GRID1: variants seen among roughly 807,000 people sequenced by gnomAD.
The protein encoded by GRID1 is glutamate ionotropic receptor delta type subunit 1.
Under a neutral mutation model 98.0 loss-of-function variants are expected in GRID1, and 28 were observed. That is an observed-to-expected ratio of 0.29 (90% CI 0.21 to 0.39). The LOEUF is 0.39. Ranked by LOEUF, GRID1 falls within the 10% of genes least tolerant of loss-of-function variation. The pLI is 1.00. For synonymous variants in GRID1, 553 were observed against 538.5 expected, an observed-to-expected ratio of 1.03 and a Z score of -0.37; for missense variants, 1,111 against 1,340.5, an observed-to-expected ratio of 0.83 and a Z score of 2.67.
At chr10:86,110,635 G>C (rs985315108) in intron 4 of GRID1, among the ~76,000 whole-genome samples, 4 of 152,082 alleles carry the variant, frequency 2.6e-5, no homozygotes, top group African/African-American at 4.8e-5. Context: ...TTCCATGTCT[G>C]CTCTCAGGCA....
intron 8 of GRID1, among the ~76,000 whole-genome samples, chr10:85,807,099 C>T (rs971313283): frequency 6.6e-6 from 1 of 152,080 alleles, no homozygotes; most frequent in Non-Finnish European, 1.5e-5. Flanking sequence ...TTTGTAATCT[C>T]AGCACTTTGG....
chr10:85,721,328 C>T (rs764012531), intron 12 of GRID1, among the ~76,000 whole-genome samples: 1 of 152,190 alleles, frequency 6.6e-6, no homozygotes, highest in East Asian at 1.9e-4. Context: ...TATGATCCAG[C>T]AATTGCACTC....
chr10:85,601,602 CG>C lies in GRID1; in HGVS notation c.*670del, dbSNP rs1842576848. The C allele has an allele frequency of 1.3e-5, 2 of 152,314 alleles. No individual in the cohort carries two copies. The highest frequency in any genetic ancestry group is 2.9e-5 in the Non-Finnish European group (2 of 68,122). 9.4% of individuals were successfully genotyped at this position (152,314 alleles called of 1,614,324 possible). A position where few individuals can be genotyped will look rare whatever the true frequency, so the allele number is the denominator to read the frequency against. On this transcript the variant is annotated 3_prime_UTR_variant, in exon 16 of 16. Transcript: ENST00000327946. ...ACTATGGGTAATTGTCAGCTTCTCT[CG>C]GGCCCATGGGGCAGAGGCACACTGC... is the stretch of plus-strand genomic sequence containing the variant.
chr10:85,617,690 G>A lies in GRID1; in HGVS notation c.2360+2177C>T, dbSNP rs141839612. ...CTGGTGACATTTCCTTATAATCACA[G>A]AGCACATGCCTTCTGATGAAAGCAA... On this transcript the variant is annotated intron_variant, in intron 14 of 15. Transcript: ENST00000327946. Among the ~76,000 whole-genome samples, 85 of 152,322 alleles carry A rather than the reference G, an allele frequency of 5.6e-4. 2 individuals carry two copies. Among genetic ancestry groups the A allele is most frequent in the African/African-American group, 1.9e-3 (80 of 41,572 alleles).
intron 8 of GRID1, among the ~76,000 whole-genome samples, chr10:85,834,754 T>C (rs190454263): frequency 2.4e-4 from 36 of 152,024 alleles, no homozygotes; most frequent in Non-Finnish European, 1.5e-5. Context: ...GAGCAACCAC[T>C]AAGAAAACTA....
chr10:86,099,473 C>T (rs905450611), intron 4 of GRID1, among the ~76,000 whole-genome samples: 3 of 152,016 alleles, frequency 2.0e-5, no homozygotes, highest in African/African-American at 7.3e-5. Flanking sequence ...TACAAGGCAC[C>T]GAGAAGCCAC....
At chr10:86,061,675 T>C (rs920492120) in intron 4 of GRID1, among the ~76,000 whole-genome samples, 25 of 152,268 alleles carry the variant, frequency 1.6e-4, no homozygotes, top group Admixed American at 5.2e-4. Flanking sequence ...AGACCCAGCC[T>C]GCTTCTGTCC....
At chr10:85,753,071 C>A (rs759123407) in intron 8 of GRID1, among the ~76,000 whole-genome samples, 2 of 152,192 alleles carry the variant, frequency 1.3e-5, no homozygotes, top group Non-Finnish European at 2.9e-5. Context: ...AGCCTTCAAA[C>A]TCTTCCTAGT....
chr10:86,149,331 C>A (rs1845129777), intron 3 of GRID1, among the ~76,000 whole-genome samples: 1 of 152,210 alleles, frequency 6.6e-6, no homozygotes, highest in Admixed American at 6.5e-5. Context: ...TCAGAACCAG[C>A]CACAGAACCA....
intron 4 of GRID1, among the ~76,000 whole-genome samples, chr10:86,095,092 G>A (rs1010961587): frequency 6.6e-6 from 1 of 152,086 alleles, no homozygotes; most frequent in African/African-American, 2.4e-5. Flanking sequence ...AAATAAAGTG[G>A]GGAAAGAAAA....
At chr10:86,289,624 AGG>A (rs1189945035) in intron 2 of GRID1, among the ~76,000 whole-genome samples, 1 of 151,896 alleles carries the variant, frequency 6.6e-6, no homozygotes, top group African/African-American at 2.4e-5. Context: ...TGGCTCCTGT[AGG>A]GGGCAGCCAC....
rs982423726 is a variant in GRID1 at position 85,646,861 on chromosome 10, G to A, written c.2193+341C>T. 38 of 295,696 alleles carry A rather than the reference G, an allele frequency of 1.3e-4. 2 individuals carry two copies. The South Asian group carries it at 1.5e-3, about 11-fold the overall frequency. The allele number at this position is 295,696 out of a possible 1,614,324, so 18.3% of individuals were successfully genotyped here. A position where few individuals can be genotyped will look rare whatever the true frequency, so the allele number is the denominator to read the frequency against. On this transcript the variant is annotated intron_variant, in intron 13 of 15. Transcript: ENST00000327946. Reference sequence around the variant, plus strand: ...CCCTCCCTTCACTCCTGCAACTCTCGCTTGGCACTCTGCTACTGCTTTTGC... The same window carrying A: ...CCCTCCCTTCACTCCTGCAACTCTCACTTGGCACTCTGCTACTGCTTTTGC...
At chr10:85,956,877 G>A (rs1842201517) in intron 4 of GRID1, among the ~76,000 whole-genome samples, 1 of 152,188 alleles carries the variant, frequency 6.6e-6, no homozygotes, top group Non-Finnish European at 1.5e-5. Flanking sequence ...CTGTGTATCA[G>A]TTCGTTTTCA....
At chr10:86,304,361 C>T (rs1259611436) in intron 2 of GRID1, among the ~76,000 whole-genome samples, 1 of 152,212 alleles carries the variant, frequency 6.6e-6, no homozygotes, top group East Asian at 1.9e-4. Context: ...ACACATGCTC[C>T]ACATGTCCCA....
chr10:86,072,415 GT>G (rs1009082090), intron 4 of GRID1, among the ~76,000 whole-genome samples: 1 of 152,144 alleles, frequency 6.6e-6, no homozygotes, highest in African/African-American at 2.4e-5. Flanking sequence ...GCCAGTCGAT[GT>G]TTTTTCTCAG....
chr10:86,304,799 G>A (rs186550096), intron 2 of GRID1, among the ~76,000 whole-genome samples: 62 of 152,316 alleles, frequency 4.1e-4, no homozygotes, highest in African/African-American at 1.3e-3. Flanking sequence ...TAGAACTCAG[G>A]CTGGCAAACT....
At chr10:85,989,699 T>C (rs1842656206) in intron 4 of GRID1, among the ~76,000 whole-genome samples, 2 of 152,278 alleles carry the variant, frequency 1.3e-5, no homozygotes, top group Non-Finnish European at 1.5e-5. Flanking sequence ...CGTGGAAACA[T>C]TGTCTTCCAC....
intron 13 of GRID1, among the ~76,000 whole-genome samples, chr10:85,640,679 C>T (rs1465342867): frequency 2.0e-5 from 3 of 152,216 alleles, no homozygotes; most frequent in Admixed American, 6.5e-5. Flanking sequence ...ATCAGCTTCT[C>T]TGCCACAGGT....
intron 4 of GRID1, among the ~76,000 whole-genome samples, chr10:86,027,341 A>G (rs558468891): frequency 1.9e-4 from 29 of 152,348 alleles, no homozygotes; most frequent in African/African-American, 6.5e-4. Flanking sequence ...TAATGCAGTC[A>G]TGGGATAGTA....
Sources: allele counts gnomAD v4.1 joint callset (sites outside exome capture counted in the v4.1 genomes callset), GRCh38; gene constraint gnomAD v4.1.1; transcripts MANE v1.5; gene names NCBI Gene and HGNC (gene_info 2026-07-23, HGNC 2026-07-21).